The following BACH2 variants were observed in gnomAD, a reference collection of about 807,000 sequenced individuals.
BACH2 encodes the protein BACH transcriptional regulator 2, also known as transcription regulator protein BACH2.
Under a neutral mutation model 61.8 loss-of-function variants are expected in BACH2, and 5 were observed. The observed-to-expected ratio is 0.08, with a 90% CI of 0.04 to 0.17. The LOEUF (loss-of-function observed/expected upper bound fraction) is 0.17, where lower values mean the gene tolerates loss of function less well. BACH2 is among the 10% of genes least tolerant of loss of function. The probability of loss-of-function intolerance (pLI) is 1.00; values close to 1 mark genes in which losing one functional copy is unlikely to be tolerated. For missense variants in BACH2, 824 were observed against 1,091.1 expected (o/e 0.76, Z 3.45); for synonymous variants, 446 against 440.1 (o/e 1.01, Z -0.17).
At chr6:90,258,321 T>C (rs1374642832) in intron 2 of BACH2, among the ~76,000 whole-genome samples, 2 of 152,220 alleles carry the variant, frequency 1.3e-5, no homozygotes, top group African/African-American at 2.4e-5. Context: ...AAAGAGACTA[T>C]TCTTTTCCCA....
intron 4 of BACH2, among the ~76,000 whole-genome samples, chr6:90,112,177 C>T (rs2127816440): frequency 6.6e-6 from 1 of 152,316 alleles, no homozygotes; most frequent in Middle Eastern, 3.4e-3. Context: ...TGTTGTTAAT[C>T]CTTTTCTTCT....
At chr6:90,079,305 G>A (rs1410978152) in intron 5 of BACH2, among the ~76,000 whole-genome samples, 1 of 152,110 alleles carries the variant, frequency 6.6e-6, no homozygotes, top group African/African-American at 2.4e-5. Flanking sequence ...CACACAAAAA[G>A]TTTTCCAATC....
intron 4 of BACH2, among the ~76,000 whole-genome samples, chr6:90,113,518 G>A (rs1435771939): frequency 6.6e-6 from 1 of 152,098 alleles, no homozygotes; most frequent in African/African-American, 2.4e-5. Flanking sequence ...AATGAAGGCA[G>A]AAATCAAGAA....
chr6:89,965,574 A>T (rs1775005761), intron 6 of BACH2, among the ~76,000 whole-genome samples: 1 of 152,228 alleles, frequency 6.6e-6, no homozygotes, highest in African/African-American at 2.4e-5. Flanking sequence ...GAGTCTCAAT[A>T]ACTATTAGTT....
chr6:90,289,580 AAGG>A (rs1209649894), intron 1 of BACH2, among the ~76,000 whole-genome samples: 5 of 152,240 alleles, frequency 3.3e-5, no homozygotes, highest in Non-Finnish European at 7.3e-5. Context: ...ACACTGGAAG[AAGG>A]AGAACTGTCT....
intron 5 of BACH2, among the ~76,000 whole-genome samples, chr6:90,015,062 G>A (rs1016922098): frequency 2.0e-5 from 3 of 151,616 alleles, no homozygotes; most frequent in African/African-American, 4.9e-5. Context: ...GATTACAGGC[G>A]TGAGCCACCA....
intron 4 of BACH2, among the ~76,000 whole-genome samples, chr6:90,117,511 C>T (rs1037942353): frequency 1.7e-4 from 26 of 150,616 alleles, no homozygotes; most frequent in African/African-American, 6.1e-4. Flanking sequence ...TCTGCAATCA[C>T]AGCATTTGTC....
intron 4 of BACH2, among the ~76,000 whole-genome samples, chr6:90,173,722 C>T (rs779334056): frequency 6.6e-5 from 10 of 152,090 alleles, no homozygotes; most frequent in Admixed American, 2.0e-4. Flanking sequence ...TCTGGTGTGA[C>T]GGAAATATCT....
At chr6:90,031,130 A>C (rs566175767) in intron 5 of BACH2, among the ~76,000 whole-genome samples, 1 of 152,268 alleles carries the variant, frequency 6.6e-6, no homozygotes, top group South Asian at 2.1e-4. Context: ...TAGATGCAGA[A>C]AAGGCCTTTG....
chr6:90,257,531 A>T lies in BACH2; in HGVS notation c.-352-4941T>A, dbSNP rs186583792. ...TTGTGTCTTCTTTAGAAAAATGTCTACTCAGGCCTTTTGCCCATTTTATAA... is the reference window on the plus strand; with the variant it reads ...TTGTGTCTTCTTTAGAAAAATGTCTTCTCAGGCCTTTTGCCCATTTTATAA... On this transcript the variant is annotated intron_variant, in intron 2 of 8. Coordinates refer to ENST00000257749, the MANE Select transcript of BACH2 (RefSeq NM_021813.4). 2.0e-5 allele frequency among the ~76,000 whole-genome samples: 3 copies of T among 152,118 alleles called. No homozygotes were observed. The East Asian group carries it at 5.8e-4, about 29-fold the overall frequency.
rs963879387 is a variant in BACH2, at chr6:90,243,131, T to A, written c.-275+9382A>T. 3.4e-5 allele frequency among the ~76,000 whole-genome samples: 5 copies of A among 148,388 alleles called. No individual in the cohort carries two copies. In the South Asian group the frequency reaches 8.7e-4, roughly 26 times the overall value. On this transcript the variant is annotated intron_variant, in intron 3 of 8. Transcript: ENST00000257749. ...CTGGTCTTGAACTCCCAACTTCAGG[T>A]GCTCCGCCCGCCTCAGCCTCCCAAA...
intron 4 of BACH2, among the ~76,000 whole-genome samples, chr6:90,166,651 A>C (rs1582440598): frequency 1.3e-5 from 2 of 152,346 alleles, no homozygotes; most frequent in South Asian, 4.1e-4. Context: ...ATTTGGAACC[A>C]ACCCAAATGT....
At chr6:90,011,028 G>C (rs1272576909) in intron 5 of BACH2, among the ~76,000 whole-genome samples, 1 of 152,080 alleles carries the variant, frequency 6.6e-6, no homozygotes, top group Non-Finnish European at 1.5e-5. Context: ...CCAGTCTGTA[G>C]CTTGTCTTTT....
At chr6:90,056,003 G>T (rs1409870337) in intron 5 of BACH2, among the ~76,000 whole-genome samples, 1 of 152,160 alleles carries the variant, frequency 6.6e-6, no homozygotes, top group African/African-American at 2.4e-5. Context: ...ACTGGTACCA[G>T]CCACTGCAAA....
intron 3 of BACH2, among the ~76,000 whole-genome samples, chr6:90,242,755 A>G (rs1292036065): frequency 6.6e-6 from 1 of 152,220 alleles, no homozygotes; most frequent in Admixed American, 6.5e-5. Flanking sequence ...TGACCAGTGC[A>G]TTATTTATGA....
intron 7 of BACH2, among the ~76,000 whole-genome samples, chr6:89,944,381 C>T (rs1773609826): frequency 6.6e-6 from 1 of 152,278 alleles, no homozygotes; most frequent in Admixed American, 6.5e-5. Context: ...TTTCGTCTTA[C>T]AGACATGTGC....
chr6:90,212,739 G>A (rs1769399435), intron 3 of BACH2, among the ~76,000 whole-genome samples: 1 of 152,126 alleles, frequency 6.6e-6, no homozygotes. Flanking sequence ...ATAGGAAATG[G>A]TAATAAAGAG....
intron 5 of BACH2, among the ~76,000 whole-genome samples, chr6:90,086,077 T>A (rs920043970): frequency 6.6e-6 from 1 of 152,200 alleles, no homozygotes; most frequent in Non-Finnish European, 1.5e-5. Flanking sequence ...AAATGAGATA[T>A]TTAATATTTG....
chr6:90,103,027 ATATTTTT>A (rs1238561789), intron 4 of BACH2, among the ~76,000 whole-genome samples: 3 of 24,472 alleles, frequency 1.2e-4, no homozygotes, highest in Admixed American at 6.0e-4. Flanking sequence ...ATATATATAT[ATATTTTT>A]TTTTTTTTTT....
Sources: gnomAD v4.1 joint callset for allele counts (sites outside exome capture counted in the v4.1 genomes callset) on GRCh38, gnomAD v4.1.1 for gene constraint, MANE v1.5 for transcripts, NCBI Gene and HGNC (gene_info 2026-07-23, HGNC 2026-07-21) for gene names.